Variants in LMAN1L observed in about 807,000 individuals in gnomAD.
The protein encoded by LMAN1L is protein ERGIC-53-like.
A neutral mutation model predicts 58.3 loss-of-function variants in LMAN1L; 60 were observed. The ratio of observed to expected loss-of-function variants is 1.03; its 90% CI spans 0.84 to 1.27. LMAN1L has a LOEUF of 1.27. Ranked by LOEUF, LMAN1L falls within the 50% of genes most tolerant of loss-of-function variation. The probability of loss-of-function intolerance (pLI) is 0.00; values close to 1 mark genes in which losing one functional copy is unlikely to be tolerated. For missense variants in LMAN1L, 629 were observed against 674.0 expected, an observed-to-expected ratio of 0.93 and a Z score of 0.74; for synonymous variants, 280 against 271.6, an observed-to-expected ratio of 1.03 and a Z score of -0.31.
Position 74,812,928 on chromosome 15 carries a change from C to T in LMAN1L, c.74C>T (p.Thr25Met), listed in dbSNP as rs746209951. The T allele has an allele frequency of 1.2e-5, 20 of 1,613,938 alleles. No homozygotes were observed. Among genetic ancestry groups the T allele is most frequent in the East Asian group, 2.2e-5 (1 of 44,892 alleles). ...CTCCTGGACCCCCACAGCCCTGAGA[C>T]GGGGTGTCCTCCTCTACGCAGGTTT... ...LLLLDPHSPE[T>M]GCPPLRRFEY... Residue 25 changes from threonine to methionine, a missense_variant, in exon 1 of 14, where the codon ACG becomes ATG. Physicochemically the swap from Thr to Met is moderately conservative, Grantham distance 81. Coordinates refer to ENST00000309664, the MANE Select transcript of LMAN1L (RefSeq NM_021819.3).
Position 74,819,150 on chromosome 15 carries a change from A to C in LMAN1L, c.598-2A>C. On this transcript the variant is annotated splice_acceptor_variant, in intron 5 of 13. Transcript: ENST00000309664. LOFTEE classifies it high-confidence loss of function. The stretch of plus-strand genomic sequence containing the variant: ...ACTGCTCACTCTCTCCATGTCCCTC[A>C]GATGTCCTTGAACAGTGGCCTCACT... The C allele has an allele frequency of 6.2e-7, 1 of 1,608,296 alleles. No individual in the cohort carries two copies. Among genetic ancestry groups the C allele is most frequent in the Non-Finnish European group, 8.5e-7 (1 of 1,176,850 alleles).
At chr15:74,819,459 G>T in intron 6 of LMAN1L, 187 bp downstream of exon 6, 1 of 737,234 alleles carries the variant, frequency 1.4e-6, no homozygotes, top group Non-Finnish European at 2.1e-6. Flanking sequence ...AACAAGAGAA[G>T]CTTTGATTTC....
intron 4 of LMAN1L, among the ~76,000 whole-genome samples, chr15:74,817,248 A>G (rs1470223970): frequency 6.6e-6 from 1 of 152,158 alleles, no homozygotes; most frequent in African/African-American, 2.4e-5. Context: ...AGCTGATTGT[A>G]TGCCAGGCAC....
At chr15:74,813,099 G>C (rs2063873071) in intron 1 of LMAN1L, 70 bp downstream of exon 1, 2 of 1,507,160 alleles carry the variant, frequency 1.3e-6, no homozygotes, top group Non-Finnish European at 1.8e-6. Context: ...GTGACTTGGT[G>C]GGGAGTGGGT....
chr15:74,822,235 A>G (rs567579408), intron 10 of LMAN1L, among the ~76,000 whole-genome samples: 1 of 152,270 alleles, frequency 6.6e-6, no homozygotes, highest in Admixed American at 6.5e-5. Context: ...GCGTGGTGGC[A>G]TGCATCTGTA....
In LMAN1L at chr15:74,825,229, C is replaced by T. The variant is rs950993474; in HGVS notation, c.1452-247C>T. The T allele has an allele frequency of 1.2e-5, 5 of 400,482 alleles. No homozygotes were observed. In the Admixed American group the frequency reaches 1.7e-4, roughly 13 times the overall value. 24.8% of individuals were successfully genotyped at this position (400,482 alleles called of 1,614,324 possible). On this transcript the variant is annotated intron_variant, in intron 13 of 13. Transcript: ENST00000309664. ...CTTTAAAAAGCACAAGGTAGAAATGCTCACAGGCTTCAGCACATGCACAGG... is the reference window on the plus strand; with the variant it reads ...CTTTAAAAAGCACAAGGTAGAAATGTTCACAGGCTTCAGCACATGCACAGG...
chr15:74,816,591 C>G, intron 3 of LMAN1L, 41 bp from the exon 4 acceptor site: 3 of 1,600,544 alleles, frequency 1.9e-6, no homozygotes, highest in Non-Finnish European at 2.6e-6. Flanking sequence ...CTCCCCCTCC[C>G]GCCATGTCCG....
At position 74,816,167 on chromosome 15, in the gene LMAN1L, G is replaced by A; in HGVS notation, c.186G>A (p.Leu62=). ...TGCCCTTGTCCACAGACGCCATCCT[G>A]GGCCTGGAGGAAGTGCGGCTGACGC... ...PFWSHHGDAI[L]GLEEVRLTPS... is the part of the protein sequence containing the mutation. Residue 62 remains leucine, a synonymous_variant, in exon 2 of 14, where the codon CTG becomes CTA. Coordinates refer to ENST00000309664, the MANE Select transcript of LMAN1L (RefSeq NM_021819.3). 1.3e-6 allele frequency: 2 copies of A among 1,550,072 alleles called. No individual in the cohort carries two copies. The highest frequency in any genetic ancestry group is 2.4e-5 in the East Asian group (1 of 41,040).
chr15:74,823,985 G>A, intron 12 of LMAN1L: 1 of 506,328 alleles, frequency 2.0e-6, no homozygotes, highest in South Asian at 2.6e-5. Flanking sequence ...GGTGGGCTGT[G>A]TCCAAGATCA....
rs567781867 is a variant in LMAN1L, at chr15:74,823,675, G to A, written c.1316G>A (p.Gly439Asp). ...GGCCTCCTGCAGGAGGAGCTTCGGG[G>A]CCCGGCGGTGAGGGGAAAGTAGTGG... ...ILGLLQEELR[G>D]PAKAAAKAPR... is the part of the protein sequence containing the mutation. Residue 439 changes from glycine (G) to aspartate (D), a missense_variant, in exon 12 of 14, where the codon GGC becomes GAC. By Grantham distance (94) the Gly-to-Asp change is moderately conservative (BLOSUM62 -1). Around this residue, in one of 3 missense-constraint regions of LMAN1L, gnomAD observed 573 missense variants for 597.3 expected, o/e 0.96. Transcript: ENST00000309664. 1.2e-6 allele frequency: 2 copies of A among 1,613,236 alleles called. No individual in the cohort carries two copies. The highest frequency in any genetic ancestry group is 2.7e-5 in the African/African-American group (2 of 74,988).
Position 74,816,509 on chromosome 15 carries a change from T to C in LMAN1L, c.413T>C (p.Phe138Ser). ...LASWDGIGIF[F>S]DSPAEDTQDS... ...TCGTGGGACGGCATCGGGATCTTCT[T>C]TGACTCTCCGGCAGAGGATACTCAG... The change falls in exon 3 of 14, where the codon TTT becomes TCT. Residue 138 changes from phenylalanine (F) to serine (S), a missense_variant. Phe to Ser is a radical substitution (Grantham distance 155, BLOSUM62 -2). Around this residue, in one of 3 missense-constraint regions of LMAN1L, gnomAD observed 573 missense variants for 597.3 expected, o/e 0.96. Coordinates refer to ENST00000309664, the MANE Select transcript of LMAN1L (RefSeq NM_021819.3). 7 of 1,553,754 alleles carry C rather than the reference T, an allele frequency of 4.5e-6. No homozygotes were observed. Among genetic ancestry groups the C allele is most frequent in the Non-Finnish European group, 6.1e-6 (7 of 1,146,090 alleles).
At chr15:74,824,620 T>G (rs561613823) in intron 13 of LMAN1L, 142 bp downstream of exon 13, 1 of 966,712 alleles carries the variant, frequency 1.0e-6, no homozygotes, top group South Asian at 1.6e-5. Flanking sequence ...CAGTGCGGGA[T>G]AGGGCCCATT....
Position 74,818,816 on chromosome 15 carries a change from G to C in LMAN1L, c.596G>C (p.Arg199Pro). Residue 199 changes from arginine to proline, a missense_variant and splice_region_variant, in exon 5 of 14, where the codon CGC (arginine) becomes CCC (proline). Transcript: ENST00000309664. ...ARITYWGQRL[R>P]MSLNSGLTPS... is the part of the protein sequence containing the mutation. The stretch of plus-strand genomic sequence containing the variant: ...ATCACCTACTGGGGGCAGAGGCTGC[G>C]CGTGAGTCACCCTTCCTGCTTCTGA... The C allele has an allele frequency of 6.2e-7, 1 of 1,605,890 alleles. No homozygotes were observed. Among genetic ancestry groups the C allele is most frequent in the South Asian group, 1.1e-5 (1 of 89,462 alleles).
At chr15:74,816,559 A>C in intron 3 of LMAN1L, 25 bp downstream of exon 3, 1 of 1,579,424 alleles carries the variant, frequency 6.3e-7, no homozygotes, top group South Asian at 1.2e-5. Context: ...CCTGCCTGCC[A>C]GCCCGCCTGC....
chr15:74,821,263 G>C (rs1034164251), intron 9 of LMAN1L, 37 bp downstream of exon 9: 2 of 1,543,338 alleles, frequency 1.3e-6, no homozygotes, highest in African/African-American at 1.4e-5. Flanking sequence ...CTCCACCTGC[G>C]GGCCTGAAAG....
At chr15:74,813,576 C>T in intron 1 of LMAN1L, 1 of 411,878 alleles carries the variant, frequency 2.4e-6, no homozygotes, top group South Asian at 1.8e-5. Context: ...GACTTCCAAA[C>T]CCAGACCTAC....
At chr15:74,820,472 G>A in intron 7 of LMAN1L, 163 bp from the exon 8 acceptor site, 3 of 883,242 alleles carry the variant, frequency 3.4e-6, no homozygotes, top group Non-Finnish European at 1.8e-6. Flanking sequence ...AGGGAGGGAA[G>A]ATGGTGGGGA....
chr15:74,818,031 AG>A (rs2063899989), intron 4 of LMAN1L, among the ~76,000 whole-genome samples: 4 of 118,402 alleles, frequency 3.4e-5, no homozygotes, highest in African/African-American at 1.1e-4. Flanking sequence ...AAAAAAAAAG[AG>A]AGAGAGAAGA....
At chr15:74,816,345 G>T (rs745350699) in intron 2 of LMAN1L, 34 bp downstream of exon 2, 12 of 1,607,940 alleles carry the variant, frequency 7.5e-6, no homozygotes, top group Non-Finnish European at 8.5e-6. Flanking sequence ...ACAGAGCGGG[G>T]TGGGTCAGGG....
Sources: gnomAD v4.1 joint callset for allele counts (sites outside exome capture counted in the v4.1 genomes callset) on GRCh38, gnomAD v4.1.1 for gene constraint, gnomAD v4.1.1 regional missense constraint, MANE v1.5 for transcripts, NCBI Gene and HGNC (gene_info 2026-07-23, HGNC 2026-07-21) for gene names.